Variants in TMBIM4 observed in about 807,000 individuals in gnomAD.
TMBIM4 encodes protein lifeguard 4.
Under a neutral mutation model 27.7 loss-of-function variants are expected in TMBIM4, and 28 were observed. The observed-to-expected ratio is 1.01, with a 90% confidence interval of 0.75 to 1.38. The LOEUF is 1.38. Ranked by LOEUF, TMBIM4 falls within the 40% of genes most tolerant of loss-of-function variation. The pLI, the probability that TMBIM4 is intolerant of heterozygous loss-of-function variation, is 0.00. For synonymous variants in TMBIM4, 115 were observed against 113.1 expected (o/e 1.02, Z -0.11); for missense variants, 265 against 277.5 (o/e 0.95, Z 0.32).
intron 5 of TMBIM4, 50 bp from the exon 6 acceptor site, chr12:66,138,819 A>G (rs774026665): frequency 1.4e-6 from 2 of 1,437,588 alleles, no homozygotes; most frequent in Non-Finnish European, 9.1e-7. Context: ...TTACAAAAAA[A>G]CTTTGTAAAC....
chr12:66,165,435 TC>T (rs2052109952), intron 1 of TMBIM4, among the ~76,000 whole-genome samples: 1 of 151,448 alleles, frequency 6.6e-6, no homozygotes, highest in Non-Finnish European at 1.5e-5. Context: ...TTTTTTTTTT[TC>T]AGACACGGTC....
intron 3 of TMBIM4, 148 bp downstream of exon 3, chr12:66,152,123 A>C (rs900514774): frequency 2.6e-6 from 1 of 387,782 alleles, no homozygotes; most frequent in Non-Finnish European, 4.6e-6. Context: ...AAAGTTTTAA[A>C]AGACTATAAA....
At chr12:66,168,399 G>C (rs1159758482) in intron 1 of TMBIM4, among the ~76,000 whole-genome samples, 2 of 152,002 alleles carry the variant, frequency 1.3e-5, no homozygotes, top group African/African-American at 2.4e-5. Flanking sequence ...GGAAGGAATG[G>C]GGAGTTAATA....
intron 1 of TMBIM4, among the ~76,000 whole-genome samples, chr12:66,156,163 G>T (rs1468625279): frequency 6.6e-6 from 1 of 152,106 alleles, no homozygotes; most frequent in African/African-American, 2.4e-5. Context: ...AAATATAAAA[G>T]ATTCAATATG....
chr12:66,158,280 A>C (rs1412572531), intron 1 of TMBIM4, among the ~76,000 whole-genome samples: 1 of 152,034 alleles, frequency 6.6e-6, no homozygotes, highest in Non-Finnish European at 1.5e-5. Flanking sequence ...TAATCAAAAA[A>C]ATACATAAAG....
intron 5 of TMBIM4, 160 bp from the exon 6 acceptor site, chr12:66,138,929 C>T: frequency 9.4e-7 from 1 of 1,066,828 alleles, no homozygotes. Flanking sequence ...TAATGCCCAT[C>T]TTGGATCTTT....
chr12:66,169,791 C>A, intron 1 of TMBIM4, 64 bp downstream of exon 1: 1 of 1,298,164 alleles, frequency 7.7e-7, no homozygotes, highest in South Asian at 1.5e-5. Flanking sequence ...AGCCGGAAGT[C>A]GGCTTCTAGA....
intron 1 of TMBIM4, among the ~76,000 whole-genome samples, chr12:66,160,515 G>A (rs1046308116): frequency 6.6e-6 from 1 of 152,140 alleles, no homozygotes; most frequent in Non-Finnish European, 1.5e-5. Flanking sequence ...ATGAAACTAT[G>A]AAAGACTACT....
chr12:66,169,592 G>A (rs2052198817), intron 1 of TMBIM4: 1 of 451,548 alleles, frequency 2.2e-6, no homozygotes, highest in Admixed American at 4.3e-5. Flanking sequence ...GCCCGCTGGG[G>A]AGCCGGGGCG....
At chr12:66,138,579 A>C (rs1235652387) in intron 6 of TMBIM4, 145 bp downstream of exon 6, 1 of 597,156 alleles carries the variant, frequency 1.7e-6, no homozygotes, top group African/African-American at 2.0e-5. Flanking sequence ...TAAAGGGATA[A>C]TTCTATAATC....
At chr12:66,166,003 C>T (rs959076026) in intron 1 of TMBIM4, among the ~76,000 whole-genome samples, 1 of 152,158 alleles carries the variant, frequency 6.6e-6, no homozygotes, top group African/African-American at 2.4e-5. Context: ...AATCCAATGT[C>T]CTCCTATGTT....
chr12:66,145,752 C>A, intron 5 of TMBIM4, 89 bp downstream of exon 5: 1 of 725,792 alleles, frequency 1.4e-6, no homozygotes, highest in Non-Finnish European at 2.3e-6. Flanking sequence ...AAGACAGTAC[C>A]CAAAAATAAC....
intron 3 of TMBIM4, among the ~76,000 whole-genome samples, chr12:66,151,718 A>C (rs1285821056): frequency 6.6e-6 from 1 of 152,216 alleles, no homozygotes; most frequent in Admixed American, 6.5e-5. Flanking sequence ...TAATTTTCAC[A>C]AATATCTCAA....
At chr12:66,151,833 T>C (rs2051849942) in intron 3 of TMBIM4, among the ~76,000 whole-genome samples, 1 of 152,282 alleles carries the variant, frequency 6.6e-6, no homozygotes, top group African/African-American at 2.4e-5. Context: ...AGTGATAAGA[T>C]AATAACAAAG....
At position 66,136,944 on chromosome 12, in the gene TMBIM4, C is replaced by G. The variant is rs1456903091; in HGVS notation, c.*1016G>C. 6.6e-6 allele frequency: 1 copy of G among 152,158 alleles called. No homozygotes were observed. Among genetic ancestry groups the G allele is most frequent in the African/African-American group, 2.4e-5 (1 of 41,442 alleles). The allele number at this position is 152,158 out of a possible 1,614,324, so 9.4% of individuals were successfully genotyped here. ...AATGAAACCATAAGACAATACTTCCCAAATATTTTAATTTTGAAATAGATA... is the reference window on the plus strand; with the variant it reads ...AATGAAACCATAAGACAATACTTCCGAAATATTTTAATTTTGAAATAGATA... On this transcript the variant is annotated 3_prime_UTR_variant, in exon 7 of 7. Transcript: ENST00000358230.
At chr12:66,141,008 A>C (rs1426163111) in intron 5 of TMBIM4, among the ~76,000 whole-genome samples, 1 of 152,166 alleles carries the variant, frequency 6.6e-6, no homozygotes, top group African/African-American at 2.4e-5. Context: ...AAGAAAAAAA[A>C]CCCAAAACCT....
intron 4 of TMBIM4, among the ~76,000 whole-genome samples, chr12:66,147,188 A>G (rs2051765906): frequency 6.6e-6 from 1 of 152,110 alleles, no homozygotes; most frequent in South Asian, 2.1e-4. Context: ...CATACAGATT[A>G]AACAAAACTG....
Position 66,169,587 on chromosome 12 carries a change from C to T in TMBIM4, c.97+268G>A, listed in dbSNP as rs552737227. 186 of 450,542 alleles carry T rather than the reference C, an allele frequency of 4.1e-4. 1 individual carries two copies. The highest frequency in any genetic ancestry group is 3.7e-3 in the African/African-American group (179 of 49,010). 27.9% of individuals were successfully genotyped at this position (450,542 alleles called of 1,614,324 possible). Reference sequence around the variant, plus strand: ...GTCCCTTCCTACACCGCGGCGCCCGCTGGGGAGCCGGGGCGCACACAGGAC... The same window carrying T: ...GTCCCTTCCTACACCGCGGCGCCCGTTGGGGAGCCGGGGCGCACACAGGAC... On this transcript the variant is annotated intron_variant, in intron 1 of 6. Coordinates refer to ENST00000358230, the MANE Select transcript of TMBIM4 (RefSeq NM_016056.4).
chr12:66,151,518 C>T (rs2051845392), intron 3 of TMBIM4, among the ~76,000 whole-genome samples: 1 of 152,190 alleles, frequency 6.6e-6, no homozygotes, highest in Non-Finnish European at 1.5e-5. Context: ...GGATTACAGG[C>T]ATGAGCCACT....
Sources: gnomAD v4.1 joint callset for allele counts (sites outside exome capture counted in the v4.1 genomes callset) on GRCh38, gnomAD v4.1.1 for gene constraint, MANE v1.5 for transcripts, NCBI Gene and HGNC (gene_info 2026-07-23, HGNC 2026-07-21) for gene names.